CFAP77: variants seen among roughly 807,000 people sequenced by gnomAD.
The protein encoded by CFAP77 is cilia and flagella associated protein 77.
In CFAP77, 25 loss-of-function variants were observed where a neutral mutation model predicts 31.1. That is an observed-to-expected ratio of 0.80 (90% CI 0.59 to 1.12). CFAP77 has a LOEUF of 1.12. CFAP77 is among the 50% of genes most tolerant of loss of function. CFAP77 has a pLI of 0.00. For synonymous variants in CFAP77, 151 were observed against 159.9 expected, an observed-to-expected ratio of 0.94 and a Z score of 0.42; for missense variants, 377 against 397.3, an observed-to-expected ratio of 0.95 and a Z score of 0.44.
intron 5 of CFAP77, among the ~76,000 whole-genome samples, chr9:132,551,665 A>G (rs1268226218): frequency 6.6e-6 from 1 of 152,186 alleles, no homozygotes; most frequent in Non-Finnish European, 1.5e-5. Flanking sequence ...CATGGTAGAG[A>G]TGAGCTGCCC....
chr9:132,504,817 C>T (rs868764859), intron 3 of CFAP77, among the ~76,000 whole-genome samples: 1 of 152,104 alleles, frequency 6.6e-6, no homozygotes, highest in East Asian at 1.9e-4. Flanking sequence ...AGCATAAGTG[C>T]GGAGGAAACG....
chr9:132,423,086 C>T (rs549501333), intron 1 of CFAP77, among the ~76,000 whole-genome samples: 1 of 152,344 alleles, frequency 6.6e-6, no homozygotes, highest in East Asian at 1.9e-4. Flanking sequence ...GCGGCTGCCT[C>T]CAAAACCTTT....
intron 1 of CFAP77, among the ~76,000 whole-genome samples, chr9:132,410,688 T>TA (rs1045982011): frequency 2.0e-5 from 3 of 152,144 alleles, no homozygotes; most frequent in African/African-American, 7.2e-5. Context: ...ATGGCACCAC[T>TA]AAAGGGACTG....
At chr9:132,447,624 A>G (rs1053585521) in intron 1 of CFAP77, among the ~76,000 whole-genome samples, 4 of 152,228 alleles carry the variant, frequency 2.6e-5, no homozygotes, top group African/African-American at 9.6e-5. Flanking sequence ...TCGGTTACAC[A>G]CAGCGTGTCC....
rs572716655 is a variant in CFAP77 at position 132,501,694 on chromosome 9, C to A, written c.524+2094C>A. On this transcript the variant is annotated intron_variant, in intron 3 of 5. Coordinates refer to ENST00000393216, the MANE Select transcript of CFAP77 (RefSeq NM_001282957.2). This position sits in a 1 kb window ranked among gnomAD's most constrained non-coding sequence, Gnocchi z 4.6. ...CTAGGATGACAGGTGTGAGCCACTG[C>A]GCCCGGTTACATGACTATCTTCTAC... Among the ~76,000 whole-genome samples, 1 of 152,174 alleles carries A rather than the reference C, an allele frequency of 6.6e-6. No homozygotes were observed. The highest frequency in any genetic ancestry group is 2.4e-5 in the African/African-American group (1 of 41,462).
chr9:132,531,873 G>C (rs1388047819), intron 3 of CFAP77, among the ~76,000 whole-genome samples: 1 of 152,166 alleles, frequency 6.6e-6, no homozygotes, highest in African/African-American at 2.4e-5. Context: ...GCCGGAGCTA[G>C]ACATGAGGAT....
chr9:132,488,730 C>A (rs1007152442), intron 1 of CFAP77, among the ~76,000 whole-genome samples: 2 of 152,202 alleles, frequency 1.3e-5, no homozygotes, highest in Non-Finnish European at 2.9e-5. Flanking sequence ...GGCTTCCGGG[C>A]GCTGGGGCTG....
At chr9:132,559,534 G>A (rs1188957652) in intron 5 of CFAP77, among the ~76,000 whole-genome samples, 1 of 152,046 alleles carries the variant, frequency 6.6e-6, no homozygotes, top group Non-Finnish European at 1.5e-5. Context: ...ACAACAACAA[G>A]TGTTGGTGAG....
At position 132,497,737 on chromosome 9, in the gene CFAP77, A is replaced by G. The variant is rs1851768033; in HGVS notation, c.196-958A>G. On this transcript the variant is annotated intron_variant, in intron 1 of 5. Transcript: ENST00000393216. This position sits in a 1 kb window ranked among gnomAD's most constrained non-coding sequence, Gnocchi z 4.9. ...ATGAGACCTGCCTCACTGCGCAGCT[A>G]TGCAGACGGCATGAGGGAAGGCCAG... Among the ~76,000 whole-genome samples the G allele has an allele frequency of 6.6e-6, 1 of 152,176 alleles. No homozygotes were observed. The highest frequency in any genetic ancestry group is 1.5e-5 in the Non-Finnish European group (1 of 68,020).
At chr9:132,553,863 A>G (rs1390777778) in intron 5 of CFAP77, among the ~76,000 whole-genome samples, 1 of 152,248 alleles carries the variant, frequency 6.6e-6, no homozygotes, top group Non-Finnish European at 1.5e-5. Context: ...CTGTCTATCA[A>G]CGCCACTTGA....
intron 3 of CFAP77, among the ~76,000 whole-genome samples, chr9:132,504,580 A>G (rs578199780): frequency 6.6e-6 from 1 of 152,364 alleles, no homozygotes; most frequent in South Asian, 2.1e-4. Flanking sequence ...AGCAGCAAAT[A>G]TCGTGGCCAT....
intron 5 of CFAP77, among the ~76,000 whole-genome samples, chr9:132,548,316 TC>T (rs1399775532): frequency 1.3e-5 from 2 of 151,966 alleles, no homozygotes; most frequent in Non-Finnish European, 2.9e-5. Flanking sequence ...TCTCTGATGC[TC>T]TTTTCTATAT....
intron 1 of CFAP77, among the ~76,000 whole-genome samples, chr9:132,458,292 G>T (rs1850957137): frequency 7.4e-6 from 1 of 134,372 alleles, no homozygotes. Flanking sequence ...GCAGCGACAA[G>T]CTTTTGATTT....
chr9:132,567,841 A>T (rs1452770485), intron 5 of CFAP77, among the ~76,000 whole-genome samples: 1 of 152,002 alleles, frequency 6.6e-6, no homozygotes, highest in African/African-American at 2.4e-5. Flanking sequence ...CTGTCTTCAC[A>T]TGGCTGTCTC....
At chr9:132,479,166 C>T (rs1471128268) in intron 1 of CFAP77, among the ~76,000 whole-genome samples, 3 of 152,192 alleles carry the variant, frequency 2.0e-5, no homozygotes, top group Non-Finnish European at 2.9e-5. Context: ...TCGCATGTAG[C>T]AATTATGCCA....
At chr9:132,467,039 G>A (rs577229548) in intron 1 of CFAP77, among the ~76,000 whole-genome samples, 15 of 152,246 alleles carry the variant, frequency 9.9e-5, no homozygotes, top group African/African-American at 2.9e-4. Flanking sequence ...TTAGCCAGGC[G>A]TGGTGGCATA....
rs776244677 is a variant in CFAP77 at position 132,565,321 on chromosome 9, C to A, written c.733-7067C>A. ...CCAGATGGAGGTAGATTTCCCCAGT[C>A]CACAATCTTATTAAATAGCTCTTGT... On this transcript the variant is annotated intron_variant, in intron 5 of 5. Transcript: ENST00000393216. The surrounding 1 kb of genome is among the most constrained non-coding windows in gnomAD (Gnocchi z 4.1). Among the ~76,000 whole-genome samples, 3 of 151,990 alleles carry A rather than the reference C, an allele frequency of 2.0e-5. No homozygotes were observed. Among genetic ancestry groups the A allele is most frequent in the African/African-American group, 7.3e-5 (3 of 41,372 alleles).
intron 5 of CFAP77, among the ~76,000 whole-genome samples, chr9:132,568,175 C>T (rs1829909751): frequency 6.6e-6 from 1 of 152,150 alleles, no homozygotes; most frequent in South Asian, 2.1e-4. Flanking sequence ...GAAATGGGAG[C>T]TGCTATTCAA....
rs1438220350 is a variant in CFAP77, at chr9:132,458,347, G to GA, written c.196-40347dup. Among the ~76,000 whole-genome samples the GA allele has an allele frequency of 2.4e-5, 3 of 124,766 alleles. 1 individual carries two copies. The highest frequency in any genetic ancestry group is 3.6e-5 in the Non-Finnish European group (2 of 56,216). 81.9% of individuals were successfully genotyped at this position (124,766 alleles called of 152,430 possible). On this transcript the variant is annotated intron_variant, in intron 1 of 5. Transcript: ENST00000393216. ...CTCCACCTTTGTCTCCCTGGCGGGG[G>GA]AGGGGGGGGGGTGTGTATGGAAGGC...
Sources: gnomAD v4.1 joint callset for allele counts (sites outside exome capture counted in the v4.1 genomes callset) on GRCh38, gnomAD v4.1.1 for gene constraint, Gnocchi (gnomAD v3.1) non-coding constraint, MANE v1.5 for transcripts, NCBI Gene and HGNC (gene_info 2026-07-23, HGNC 2026-07-21) for gene names.